The following NLGN1 variants were observed in gnomAD, a reference collection of about 807,000 sequenced individuals.
NLGN1 encodes the protein neuroligin-1.
A neutral mutation model predicts 65.5 loss-of-function variants in NLGN1; 12 were observed. That is an observed-to-expected ratio of 0.18 (90% CI 0.12 to 0.30). The LOEUF is 0.30. Ranked by LOEUF, NLGN1 falls within the 10% of genes least tolerant of loss-of-function variation. The probability of loss-of-function intolerance (pLI) is 1.00; values close to 1 mark genes in which losing one functional copy is unlikely to be tolerated. For missense variants in NLGN1, 750 were observed against 1,007.1 expected, an observed-to-expected ratio of 0.74 and a Z score of 3.46; for synonymous variants, 350 against 359.5, an observed-to-expected ratio of 0.97 and a Z score of 0.30.
At chr3:173,515,660 G>C (rs145695131) in intron 2 of NLGN1, among the ~76,000 whole-genome samples, 2 of 152,042 alleles carry the variant, frequency 1.3e-5, no homozygotes, top group Non-Finnish European at 2.9e-5. Context: ...GTTGATTTTT[G>C]TGTGATAGAA....
intron 4 of NLGN1, among the ~76,000 whole-genome samples, chr3:174,219,172 A>T (rs1412870357): frequency 6.6e-6 from 1 of 152,110 alleles, no homozygotes; most frequent in Non-Finnish European, 1.5e-5. Flanking sequence ...TGTACAGTTT[A>T]TCTGGGAGAC....
chr3:173,876,992 T>C (rs1019551894), intron 4 of NLGN1, among the ~76,000 whole-genome samples: 2 of 152,122 alleles, frequency 1.3e-5, no homozygotes, highest in South Asian at 4.1e-4. Flanking sequence ...GATATTCAAA[T>C]TGGTGAGTAA....
chr3:173,647,368 C>T (rs79092030), intron 3 of NLGN1, among the ~76,000 whole-genome samples: 2,003 of 152,138 alleles, frequency 0.013, 28 homozygotes, highest in South Asian at 0.058. Flanking sequence ...TATAAAACAT[C>T]CCACCCAACA....
intron 2 of NLGN1, among the ~76,000 whole-genome samples, chr3:173,519,624 G>T (rs1010307040): frequency 6.6e-6 from 1 of 152,130 alleles, no homozygotes; most frequent in African/African-American, 2.4e-5. Flanking sequence ...GGGCCTGTAG[G>T]CCTTTTCTTT....
intron 4 of NLGN1, among the ~76,000 whole-genome samples, chr3:173,948,824 A>G (rs1747674597): frequency 6.6e-6 from 1 of 152,200 alleles, no homozygotes. Context: ...CCATGATTGG[A>G]CATTATACTT....
intron 2 of NLGN1, among the ~76,000 whole-genome samples, chr3:173,514,622 G>A (rs1234153070): frequency 6.6e-6 from 1 of 152,068 alleles, no homozygotes; most frequent in South Asian, 2.1e-4. Context: ...ATTCATCTTG[G>A]AAAGCTGAAA....
chr3:173,536,927 T>C (rs2149204937), intron 2 of NLGN1, among the ~76,000 whole-genome samples: 1 of 152,290 alleles, frequency 6.6e-6, no homozygotes, highest in South Asian at 2.1e-4. Context: ...CGAGAGCCAA[T>C]GGTGTAATTT....
At chr3:173,573,042 C>T (rs1243328235) in intron 2 of NLGN1, among the ~76,000 whole-genome samples, 1 of 152,104 alleles carries the variant, frequency 6.6e-6, no homozygotes. Flanking sequence ...TTAGAAGAAC[C>T]CCTCAACTGT....
intron 2 of NLGN1, among the ~76,000 whole-genome samples, chr3:173,576,137 T>A (rs1346829856): frequency 1.3e-5 from 2 of 152,138 alleles, no homozygotes; most frequent in African/African-American, 4.8e-5. Context: ...GTTGAAGTGA[T>A]AATATTTTGA....
chr3:173,424,478 A>G (rs1455993972), intron 1 of NLGN1, among the ~76,000 whole-genome samples: 2 of 152,182 alleles, frequency 1.3e-5, no homozygotes, highest in Non-Finnish European at 2.9e-5. Flanking sequence ...TCTAATTTCA[A>G]ACCATCTCTT....
At chr3:174,275,720 A>T (rs572006539) in intron 5 of NLGN1, among the ~76,000 whole-genome samples, 193 bp downstream of exon 5, 1 of 151,952 alleles carries the variant, frequency 6.6e-6, no homozygotes, top group South Asian at 2.1e-4. Context: ...TCTCCTGTGG[A>T]GCTTGGTAAG....
intron 4 of NLGN1, among the ~76,000 whole-genome samples, chr3:174,245,860 T>A (rs1463176021): frequency 6.6e-6 from 1 of 152,114 alleles, no homozygotes; most frequent in Non-Finnish European, 1.5e-5. Context: ...GATGGAAAGG[T>A]TACCTAATAT....
At chr3:174,197,379 G>A (rs73880401) in intron 4 of NLGN1, among the ~76,000 whole-genome samples, 30,868 of 151,698 alleles carry the variant, frequency 0.2, 3,531 homozygotes, top group African/African-American at 0.3. Flanking sequence ...ATAACTATAG[G>A]TATAGTTTAT....
intron 3 of NLGN1, among the ~76,000 whole-genome samples, chr3:173,614,520 T>C (rs972879510): frequency 1.3e-5 from 2 of 152,042 alleles, no homozygotes; most frequent in African/African-American, 4.8e-5. Flanking sequence ...GCACCATCTT[T>C]CCTGACAATG....
At chr3:174,178,227 T>C (rs542489234) in intron 4 of NLGN1, among the ~76,000 whole-genome samples, 1 of 152,132 alleles carries the variant, frequency 6.6e-6, no homozygotes, top group South Asian at 2.1e-4. Flanking sequence ...CCCAGAAGTA[T>C]GCTTTCTGTT....
chr3:173,784,793 A>G (rs1781701097), intron 3 of NLGN1, among the ~76,000 whole-genome samples: 1 of 152,228 alleles, frequency 6.6e-6, no homozygotes, highest in Non-Finnish European at 1.5e-5. Context: ...TATACAACAG[A>G]TAGAAAACAT....
Position 174,224,444 on chromosome 3 carries a change from A to C in NLGN1, c.647-50871A>C, listed in dbSNP as rs548261229. 2.0e-5 allele frequency among the ~76,000 whole-genome samples: 3 copies of C among 152,318 alleles called. No individual in the cohort carries two copies. The South Asian group carries it at 6.2e-4, about 32-fold the overall frequency. The stretch of plus-strand genomic sequence containing the variant: ...CCGGGCGTGATGGCTCACGCCTGCA[A>C]TCCCAGAACTTTGGGAGGCCGAGGC... On this transcript the variant is annotated intron_variant, in intron 4 of 6. Transcript: ENST00000457714.
chr3:173,425,847 A>T (rs75857416), intron 1 of NLGN1, among the ~76,000 whole-genome samples: 6,241 of 152,060 alleles, frequency 0.041, 417 homozygotes, highest in African/African-American at 0.14. Flanking sequence ...ATTTTAAGAA[A>T]TTTTTTTCTA....
intron 2 of NLGN1, among the ~76,000 whole-genome samples, chr3:173,579,310 G>A (rs1490406071): frequency 6.6e-6 from 1 of 152,094 alleles, no homozygotes; most frequent in African/African-American, 2.4e-5. Flanking sequence ...CTTGTCTCTA[G>A]AAAAAAATAC....
Sources: allele counts gnomAD v4.1 joint callset (sites outside exome capture counted in the v4.1 genomes callset), GRCh38; gene constraint gnomAD v4.1.1; transcripts MANE v1.5; gene names NCBI Gene and HGNC (gene_info 2026-07-23, HGNC 2026-07-21).